Variants in NCK2 observed in about 807,000 individuals in gnomAD.
The protein encoded by NCK2 is cytoplasmic protein NCK2.
NCK2 carries 16 observed loss-of-function variants against 33.9 expected under a neutral mutation model. The ratio of observed to expected loss-of-function variants is 0.47; its 90% CI spans 0.32 to 0.72. The LOEUF (loss-of-function observed/expected upper bound fraction) is 0.72. Among genes scored for constraint, NCK2 ranks in the 30% least tolerant of loss-of-function variants. NCK2 has a pLI of 0.03. For missense variants in NCK2, 418 were observed against 537.3 expected, an observed-to-expected ratio of 0.78 and a Z score of 2.19; for synonymous variants, 273 against 239.9, an observed-to-expected ratio of 1.14 and a Z score of -1.27.
chr2:105,770,134 AAAAAAAAAG>A (rs1359191971), intron 1 of NCK2, among the ~76,000 whole-genome samples: 4 of 152,030 alleles, frequency 2.6e-5, no homozygotes, highest in African/African-American at 9.7e-5. Context: ...TAAAAAAAAA[AAAAAAAAAG>A]AAAAAGGTAT....
At chr2:105,788,466 T>C (rs945991530) in intron 1 of NCK2, among the ~76,000 whole-genome samples, 5 of 152,212 alleles carry the variant, frequency 3.3e-5, no homozygotes, top group African/African-American at 1.2e-4. Flanking sequence ...AATGAACTTT[T>C]CTCATTAATA....
chr2:105,861,157 A>G (rs1677514414), intron 3 of NCK2, among the ~76,000 whole-genome samples: 1 of 152,196 alleles, frequency 6.6e-6, no homozygotes, highest in Non-Finnish European at 1.5e-5. Flanking sequence ...GAGCAATTTG[A>G]ATTACATTCT....
intron 1 of NCK2, among the ~76,000 whole-genome samples, chr2:105,755,666 A>T (rs758587621): frequency 6.6e-6 from 1 of 151,652 alleles, no homozygotes; most frequent in Non-Finnish European, 1.5e-5. Context: ...TACCTTTTTA[A>T]ATGTTAGTAT....
At chr2:105,800,878 C>G (rs762606119) in intron 1 of NCK2, among the ~76,000 whole-genome samples, 8 of 152,090 alleles carry the variant, frequency 5.3e-5, no homozygotes, top group Non-Finnish European at 1.2e-4. Flanking sequence ...AATCCAAGCT[C>G]GAGGTTCCAT....
intron 1 of NCK2, among the ~76,000 whole-genome samples, chr2:105,788,969 T>A (rs536888640): frequency 6.6e-6 from 1 of 152,302 alleles, no homozygotes. Context: ...TATAGACAAT[T>A]GTTATTTAAA....
At chr2:105,823,466 G>A (rs909228140) in intron 2 of NCK2, among the ~76,000 whole-genome samples, 4 of 151,894 alleles carry the variant, frequency 2.6e-5, no homozygotes, top group South Asian at 2.1e-4. Context: ...TCAATTTTCC[G>A]GTTGACTTTT....
intron 2 of NCK2, among the ~76,000 whole-genome samples, chr2:105,844,571 A>C (rs1165655166): frequency 7.8e-6 from 1 of 127,722 alleles, no homozygotes; most frequent in East Asian, 2.7e-4. Flanking sequence ...AAGTAGAAAA[A>C]AACAAAAAAA....
chr2:105,825,973 C>A (rs888782281), intron 2 of NCK2, among the ~76,000 whole-genome samples: 5 of 152,174 alleles, frequency 3.3e-5, no homozygotes, highest in Non-Finnish European at 4.4e-5. Flanking sequence ...TGCATTACAT[C>A]CTTTATAACT....
At chr2:105,865,902 A>ATATTATTATTAT (rs61440392) in intron 3 of NCK2, among the ~76,000 whole-genome samples, 2,128 of 148,784 alleles carry the variant, frequency 0.014, 21 homozygotes, top group Non-Finnish European at 0.021. Context: ...AAAGACAGAG[A>ATATTATTATTAT]TATTATTATT....
chr2:105,820,909 C>T (rs1463059749), intron 2 of NCK2, among the ~76,000 whole-genome samples: 2 of 152,072 alleles, frequency 1.3e-5, no homozygotes, highest in Non-Finnish European at 2.9e-5. Context: ...TTTCACAAAC[C>T]GAGTCAGTTG....
At chr2:105,764,073 G>A (rs1689853443) in intron 1 of NCK2, among the ~76,000 whole-genome samples, 2 of 152,266 alleles carry the variant, frequency 1.3e-5, no homozygotes, top group African/African-American at 2.4e-5. Context: ...AGATGAGGTA[G>A]CTGAGATGGA....
At chr2:105,757,484 A>G (rs1362721350) in intron 1 of NCK2, among the ~76,000 whole-genome samples, 1 of 152,158 alleles carries the variant, frequency 6.6e-6, no homozygotes, top group African/African-American at 2.4e-5. Context: ...TAGAAAGGCT[A>G]CGTTGTTCAT....
intron 3 of NCK2, chr2:105,857,295 TCAGA>T (rs1391670002): frequency 6.6e-6 from 1 of 152,314 alleles, no homozygotes; most frequent in Non-Finnish European, 1.5e-5. Flanking sequence ...TCCCAGGCTC[TCAGA>T]CTGAGCCAGC....
At chr2:105,750,403 G>A (rs1689421664) in intron 1 of NCK2, among the ~76,000 whole-genome samples, 1 of 152,164 alleles carries the variant, frequency 6.6e-6, no homozygotes, top group Non-Finnish European at 1.5e-5. Flanking sequence ...AGGGGTTAGG[G>A]CTTTACCATA....
intron 2 of NCK2, among the ~76,000 whole-genome samples, chr2:105,852,842 A>G (rs1280723844): frequency 6.6e-6 from 1 of 152,194 alleles, no homozygotes; most frequent in Non-Finnish European, 1.5e-5. Context: ...CTGAAAGTGG[A>G]TAACAAAATT....
At chr2:105,777,671 G>C (rs1042197380) in intron 1 of NCK2, among the ~76,000 whole-genome samples, 4 of 152,136 alleles carry the variant, frequency 2.6e-5, no homozygotes, top group African/African-American at 9.7e-5. Context: ...ACACCAATGC[G>C]CACAATTCCT....
At chr2:105,813,211 C>T (rs148762813) in intron 1 of NCK2, among the ~76,000 whole-genome samples, 1,780 of 152,232 alleles carry the variant, frequency 0.012, 22 homozygotes, top group Middle Eastern at 0.02. Flanking sequence ...GAAGCCACGG[C>T]GAGTGTCTCA....
intron 1 of NCK2, among the ~76,000 whole-genome samples, chr2:105,753,463 A>T (rs1281566523): frequency 6.6e-6 from 1 of 152,234 alleles, no homozygotes; most frequent in Non-Finnish European, 1.5e-5. Flanking sequence ...AGGGAACTGC[A>T]GTGGCACTGG....
chr2:105,817,187 A>AG (rs1675525692), intron 2 of NCK2, among the ~76,000 whole-genome samples: 1 of 151,704 alleles, frequency 6.6e-6, no homozygotes, highest in South Asian at 2.1e-4. Context: ...AAAAAAAAAA[A>AG]AAACCTACAT....
Sources: allele counts gnomAD v4.1 joint callset (sites outside exome capture counted in the v4.1 genomes callset), GRCh38; gene constraint gnomAD v4.1.1; transcripts MANE v1.5; gene names NCBI Gene and HGNC (gene_info 2026-07-23, HGNC 2026-07-21).